LOC128462377: variants seen among roughly 807,000 people sequenced by gnomAD.
the LOC128462377 span, among the ~76,000 whole-genome samples, chr16:89,401,045 C>T: frequency 6.6e-6 from 1 of 152,198 alleles, no homozygotes; most frequent in Non-Finnish European, 1.5e-5. Flanking sequence ...CCACAACACG[C>T]TGGCCCTCAA....
the LOC128462377 span, among the ~76,000 whole-genome samples, chr16:89,389,994 G>A: frequency 2.5e-5 from 2 of 81,568 alleles, no homozygotes; most frequent in South Asian, 5.3e-4. Flanking sequence ...GGGGAGCACC[G>A]AGAGAGAAGA....
chr16:89,395,537 G>C, the LOC128462377 span, among the ~76,000 whole-genome samples: 14 of 152,312 alleles, frequency 9.2e-5, no homozygotes, highest in Non-Finnish European at 1.9e-4. Flanking sequence ...AATCTTACTT[G>C]TCCATGAGAA....
the LOC128462377 span, among the ~76,000 whole-genome samples, chr16:89,357,092 A>T: frequency 6.6e-6 from 1 of 152,214 alleles, no homozygotes; most frequent in South Asian, 2.1e-4. Context: ...AGTGGTGGGG[A>T]TGAGGATGAG....
chr16:89,378,243 T>C, the LOC128462377 span, among the ~76,000 whole-genome samples: 2 of 152,172 alleles, frequency 1.3e-5, no homozygotes, highest in South Asian at 2.1e-4. Context: ...TTAAAATGTG[T>C]TGACTGTTTA....
At chr16:89,375,156 A>G in the LOC128462377 span, among the ~76,000 whole-genome samples, 1 of 152,084 alleles carries the variant, frequency 6.6e-6, no homozygotes, top group Non-Finnish European at 1.5e-5. Flanking sequence ...TGCACGCTGT[A>G]ATGATCTCAC....
At chr16:89,414,982 C>G in the LOC128462377 span, among the ~76,000 whole-genome samples, 2 of 152,250 alleles carry the variant, frequency 1.3e-5, no homozygotes, top group East Asian at 3.9e-4. Flanking sequence ...TCTCACCCTG[C>G]GGCCCAGGCT....
At chr16:89,369,241 G>A in the LOC128462377 span, among the ~76,000 whole-genome samples, 2 of 152,002 alleles carry the variant, frequency 1.3e-5, no homozygotes, top group African/African-American at 4.8e-5. Flanking sequence ...AAAAGGCAGT[G>A]CAGCGACCTA....
chr16:89,359,895 T>C, the LOC128462377 span, among the ~76,000 whole-genome samples: 3 of 152,164 alleles, frequency 2.0e-5, no homozygotes, highest in East Asian at 5.8e-4. Context: ...ACATAGTTTA[T>C]ATGTTTTTTA....
the LOC128462377 span, among the ~76,000 whole-genome samples, chr16:89,382,337 T>TATATATATA: frequency 1.4e-4 from 21 of 149,682 alleles, no homozygotes; most frequent in African/African-American, 5.3e-4. Flanking sequence ...ATATATATAT[T>TATATATATA]TTTTTAAAGA....
the LOC128462377 span, among the ~76,000 whole-genome samples, chr16:89,371,178 G>C: frequency 6.6e-6 from 1 of 152,146 alleles, no homozygotes; most frequent in Admixed American, 6.5e-5. Flanking sequence ...CACCAAGGAA[G>C]TGCCAGAAAA....
chr16:89,349,510 T>C, the LOC128462377 span, among the ~76,000 whole-genome samples: 1 of 152,080 alleles, frequency 6.6e-6, no homozygotes, highest in African/African-American at 2.4e-5. Context: ...CACATAAATA[T>C]ATAGTCAACT....
At chr16:89,373,809 G>A in the LOC128462377 span, among the ~76,000 whole-genome samples, 4 of 152,236 alleles carry the variant, frequency 2.6e-5, no homozygotes, top group African/African-American at 9.6e-5. Context: ...ACAGACGCCT[G>A]TGTAGGGTTA....
At chr16:89,393,200 C>A in the LOC128462377 span, among the ~76,000 whole-genome samples, 604 of 152,256 alleles carry the variant, frequency 4.0e-3, 2 homozygotes, top group African/African-American at 0.014. Flanking sequence ...GAGAGCACGA[C>A]GCCAGCCTCA....
the LOC128462377 span, among the ~76,000 whole-genome samples, chr16:89,414,075 G>C: frequency 6.6e-6 from 1 of 152,172 alleles, no homozygotes; most frequent in Non-Finnish European, 1.5e-5. Flanking sequence ...GATGCCACAG[G>C]CACAGCTGCT....
the LOC128462377 span, among the ~76,000 whole-genome samples, chr16:89,340,956 T>C: frequency 5.3e-5 from 8 of 152,264 alleles, no homozygotes; most frequent in East Asian, 1.9e-4. Context: ...CATCAGCCAA[T>C]AGAGTCCTGG....
At chr16:89,403,542 C>G in the LOC128462377 span, 1 of 152,000 alleles carries the variant, frequency 6.6e-6, no homozygotes, top group Non-Finnish European at 1.5e-5. Context: ...TGGGCAATGA[C>G]AGTAGCTTAA....
chr16:89,368,390 T>G, the LOC128462377 span, among the ~76,000 whole-genome samples: 11 of 139,132 alleles, frequency 7.9e-5, no homozygotes, highest in South Asian at 2.4e-4. Context: ...TTTTTTTTTT[T>G]TTTTTTTTTT....
chr16:89,324,566 C>G, the LOC128462377 span: 2 of 454,822 alleles, frequency 4.4e-6, no homozygotes, highest in Non-Finnish European at 8.8e-6. Context: ...CCGACGAACC[C>G]TCCATCTGGG....
the LOC128462377 span, among the ~76,000 whole-genome samples, chr16:89,374,679 G>A: frequency 1.3e-5 from 2 of 152,204 alleles, no homozygotes; most frequent in Non-Finnish European, 2.9e-5. Context: ...CCTCCAGAGA[G>A]CATCGGGAAA....
Sources: gnomAD v4.1 joint callset for allele counts (sites outside exome capture counted in the v4.1 genomes callset) on GRCh38, gnomAD v4.1.1 for gene constraint, MANE v1.5 for transcripts.